Variants in PCDHA2 observed in about 807,000 individuals in gnomAD.
The protein encoded by PCDHA2 is protocadherin alpha 2.
Under a neutral mutation model 66.0 loss-of-function variants are expected in PCDHA2, and 58 were observed. The observed-to-expected ratio is 0.88, with a 90% CI of 0.71 to 1.09. The LOEUF is 1.09. Among genes scored for constraint, PCDHA2 ranks in the 50% least tolerant of loss-of-function variants. The pLI, the probability that PCDHA2 is intolerant of heterozygous loss-of-function variation, is 0.00. For synonymous variants in PCDHA2, 634 were observed against 554.0 expected (o/e 1.14, Z -2.03); for missense variants, 1,267 against 1,242.3 (o/e 1.02, Z -0.30).
At chr5:140,928,076 A>G (rs2084914697) in intron 1 of PCDHA2, 1 of 1,614,142 alleles carries the variant, frequency 6.2e-7, no homozygotes. Context: ...GACAACTACT[A>G]CAGCCTGCTG....
At chr5:140,874,185 G>A (rs551629220) in intron 1 of PCDHA2, among the ~76,000 whole-genome samples, 33 of 152,158 alleles carry the variant, frequency 2.2e-4, no homozygotes, top group Non-Finnish European at 4.6e-4. Context: ...TTGTAAAGGT[G>A]TCATATTTCA....
intron 1 of PCDHA2, chr5:140,841,180 T>C (rs1240672085): frequency 8.7e-7 from 1 of 1,146,740 alleles, no homozygotes; most frequent in Non-Finnish European, 1.2e-6. Flanking sequence ...TGGTCAATGT[T>C]CAAAGTCTTT....
chr5:140,882,288 G>C (rs1554173426), intron 1 of PCDHA2: 2 of 1,613,210 alleles, frequency 1.2e-6, no homozygotes, highest in East Asian at 2.2e-5. Flanking sequence ...TCCTGGCAAG[G>C]AGGCCCAAGA....
At chr5:140,876,935 C>G in intron 1 of PCDHA2, 1 of 1,613,746 alleles carries the variant, frequency 6.2e-7, no homozygotes, top group Non-Finnish European at 8.5e-7. Flanking sequence ...CAGAAGAACG[C>G]GCTGGTGTCC....
chr5:140,863,082 G>A (rs1424614073), intron 1 of PCDHA2: 2 of 572,800 alleles, frequency 3.5e-6, no homozygotes, highest in Non-Finnish European at 6.9e-6. Flanking sequence ...GCACGGGCGA[G>A]ATCAGCACGA....
At chr5:140,933,731 A>G (rs1210438420) in intron 1 of PCDHA2, among the ~76,000 whole-genome samples, 2 of 151,958 alleles carry the variant, frequency 1.3e-5, no homozygotes, top group East Asian at 1.9e-4. Context: ...CAGCTTTCTT[A>G]AATATTTGGT....
In PCDHA2 at chr5:140,924,908, AAAT is replaced by A. The variant is rs1554202345; in HGVS notation, c.2389-54038_2389-54036del. ...AGAACCTGTCTCAAAAAAAAAAATA[AAAT>A]AAAATAAAATAAAATAAAATAAAAT... On this transcript the variant is annotated intron_variant, in intron 1 of 3. Coordinates refer to ENST00000526136, the MANE Select transcript of PCDHA2 (RefSeq NM_018905.3). Among the ~76,000 whole-genome samples the A allele has an allele frequency of 9.0e-4, 53 of 58,926 alleles. 1 individual carries two copies. The highest frequency in any genetic ancestry group is 2.8e-3 in the African/African-American group (51 of 18,360). The allele number at this position is 58,926 out of a possible 152,430, so 38.7% of individuals were successfully genotyped here. A position where few individuals can be genotyped will look rare whatever the true frequency, so the allele number is the denominator to read the frequency against.
chr5:140,853,597 G>A lies in PCDHA2; in HGVS notation c.2388+56245G>A, dbSNP rs2042800183. 3.0e-6 allele frequency: 3 copies of A among 986,998 alleles called. 1 individual carries two copies. The highest frequency in any genetic ancestry group is 3.7e-6 in the Non-Finnish European group (3 of 819,142). The allele number at this position is 986,998 out of a possible 1,614,324, so 61.1% of individuals were successfully genotyped here. A position where few individuals can be genotyped will look rare whatever the true frequency, so the allele number is the denominator to read the frequency against. On this transcript the variant is annotated intron_variant, in intron 1 of 3. Transcript: ENST00000526136. ...ACCCAATATCTTAGACACTTTGAGA[G>A]CAAAGGGGGTGCTGTAAATAAGTAT... is the stretch of plus-strand genomic sequence containing the variant.
At chr5:140,805,851 C>A (rs1404287478) in intron 1 of PCDHA2, among the ~76,000 whole-genome samples, 1 of 152,064 alleles carries the variant, frequency 6.6e-6, no homozygotes, top group African/African-American at 2.4e-5. Context: ...TATGCGATCA[C>A]CTTAAATTAA....
At chr5:140,858,992 T>C (rs1452375472) in intron 1 of PCDHA2, 1 of 151,532 alleles carries the variant, frequency 6.6e-6, no homozygotes, top group African/African-American at 2.4e-5. Context: ...AGTTCATTGG[T>C]AAAAATTTCT....
intron 1 of PCDHA2, chr5:140,801,409 A>G (rs1762701855): frequency 1.2e-6 from 2 of 1,613,626 alleles, no homozygotes; most frequent in African/African-American, 1.3e-5. Flanking sequence ...TCCAAAAGAC[A>G]CGGGGACCTT....
Position 141,010,647 on chromosome 5 carries a change from GT to G in PCDHA2, c.*714del, listed in dbSNP as rs782752760. ...CATACCTGCAAGCCAACAGTTCAGT[GT>G]TTTAACAGAGAACCACCCTGGGAAA... On this transcript the variant is annotated 3_prime_UTR_variant, in exon 4 of 4. Coordinates refer to ENST00000526136, the MANE Select transcript of PCDHA2 (RefSeq NM_018905.3). 4.6e-5 allele frequency: 8 copies of G among 173,154 alleles called. No homozygotes were observed. Among genetic ancestry groups the G allele is most frequent in the Admixed American group, 1.2e-4 (2 of 16,978 alleles). 10.7% of individuals were successfully genotyped at this position (173,154 alleles called of 1,614,324 possible).
rs2150175965 is a variant in PCDHA2, at chr5:140,829,844, C to G, written c.2388+32492C>G. On this transcript the variant is annotated intron_variant, in intron 1 of 3. Coordinates refer to ENST00000526136, the MANE Select transcript of PCDHA2 (RefSeq NM_018905.3). ...AGTGAGCGAGCTGGTGCCGCGGTCACTGGGTGCAGGCCAAGTGGTGGCGAA... is the reference window on the plus strand; with the variant it reads ...AGTGAGCGAGCTGGTGCCGCGGTCAGTGGGTGCAGGCCAAGTGGTGGCGAA... 17,404 of 1,613,920 alleles carry G rather than the reference C, an allele frequency of 0.011. 1,610 individuals are homozygous for G. In the African/African-American group the frequency reaches 0.2, roughly 19 times the overall value.
chr5:140,877,323 C>T (rs782217893), intron 1 of PCDHA2: 2 of 1,613,988 alleles, frequency 1.2e-6, no homozygotes, highest in East Asian at 2.2e-5. Context: ...CGGCGGTCGG[C>T]GCGCACATCC....
chr5:140,809,297 A>T, intron 1 of PCDHA2: 1 of 1,614,102 alleles, frequency 6.2e-7, no homozygotes, highest in Non-Finnish European at 8.5e-7. Flanking sequence ...GATCATTGCC[A>T]TCTGCGCGGT....
In PCDHA2 at chr5:140,903,730, A is replaced by G. The variant is rs2070542594; in HGVS notation, c.2389-75219A>G. Among the ~76,000 whole-genome samples, 4 of 152,350 alleles carry G rather than the reference A, an allele frequency of 2.6e-5. No homozygotes were observed. In the South Asian group the frequency reaches 8.3e-4, roughly 32 times the overall value. ...AAATATACAATTCTCCCTATTATCA[A>G]TTATTACAGAATGTTTCCCTTGATT... is the stretch of plus-strand genomic sequence containing the variant. On this transcript the variant is annotated intron_variant, in intron 1 of 3. Transcript: ENST00000526136.
At chr5:141,002,759 G>A (rs1312107218) in intron 3 of PCDHA2, among the ~76,000 whole-genome samples, 1 of 152,214 alleles carries the variant, frequency 6.6e-6, no homozygotes, top group Non-Finnish European at 1.5e-5. Flanking sequence ...ACCCTGTGAT[G>A]TAGACAGGAA....
At chr5:140,819,040 G>A (rs2150103019) in intron 1 of PCDHA2, among the ~76,000 whole-genome samples, 129 of 152,194 alleles carry the variant, frequency 8.5e-4, no homozygotes, top group Non-Finnish European at 1.5e-3. Context: ...TTCCCTTATA[G>A]GGCAGTTATA....
At chr5:140,927,558 T>C (rs1554204736) in intron 1 of PCDHA2, 1 of 1,614,144 alleles carries the variant, frequency 6.2e-7, no homozygotes, top group East Asian at 2.2e-5. Context: ...TCACCATCAT[T>C]GTGGTGGACA....
Sources: gnomAD v4.1 joint callset for allele counts (sites outside exome capture counted in the v4.1 genomes callset) on GRCh38, gnomAD v4.1.1 for gene constraint, MANE v1.5 for transcripts, NCBI Gene and HGNC (gene_info 2026-07-23, HGNC 2026-07-21) for gene names.